CYP4A11: variants seen among roughly 807,000 people sequenced by gnomAD.
CYP4A11 encodes cytochrome P450 4A11.
A neutral mutation model predicts 57.7 loss-of-function variants in CYP4A11; 52 were observed. The ratio of observed to expected loss-of-function variants is 0.90; its 90% CI spans 0.72 to 1.14. CYP4A11 has a LOEUF of 1.14. Ranked by LOEUF, CYP4A11 falls within the 50% of genes most tolerant of loss-of-function variation. CYP4A11 has a pLI of 0.00. For missense variants in CYP4A11, 641 were observed against 642.1 expected, an observed-to-expected ratio of 1.00 and a Z score of 0.02; for synonymous variants, 228 against 247.1, an observed-to-expected ratio of 0.92 and a Z score of 0.72.
At position 46,936,744 on chromosome 1, in the gene CYP4A11, G is replaced by T. The variant is rs202214253; in HGVS notation, c.430C>A (p.Arg144=). The T allele has an allele frequency of 2.2e-4, 362 of 1,613,716 alleles. No homozygotes were observed. The highest frequency in any genetic ancestry group is 2.0e-4 in the South Asian group (18 of 91,032). ...TAGTGGAAGGCTGGGGTCAGCATCC[G>T]TCGATGCTGGAACCATGTCTGCCCA... ...LNGQTWFQHR[R]MLTPAFHYDI... The change falls in exon 4 of 12, where the codon CGG becomes AGG. Residue 144 remains arginine, a synonymous_variant. Transcript: ENST00000310638.
Position 46,936,808 on chromosome 1 carries a change from T to A in CYP4A11, c.383-17A>T. ...AGCCGTACCCTAAGAGAGACATGAA[T>A]GTGTGTTTGTGTGTGTGTGTGTGTG... is the stretch of plus-strand genomic sequence containing the variant. On this transcript the variant is annotated splice_polypyrimidine_tract_variant and intron_variant, in intron 3 of 11. Transcript: ENST00000310638. 1 of 1,496,004 alleles carries A rather than the reference T, an allele frequency of 6.7e-7. No homozygotes were observed. The highest frequency in any genetic ancestry group is 8.9e-7 in the Non-Finnish European group (1 of 1,124,186). The allele number at this position is 1,496,004 out of a possible 1,614,324, so 92.7% of individuals were successfully genotyped here.
At chr1:46,932,556 G>A (rs1078311) in intron 11 of CYP4A11, 204,051 of 1,439,310 alleles carry the variant, frequency 0.14, 15,904 homozygotes, top group South Asian at 0.27. Context: ...AGCAGAGGGA[G>A]CAAAGTCTCC....
intron 2 of CYP4A11, 75 bp from the exon 3 acceptor site, chr1:46,937,421 T>A (rs1681479616): frequency 6.6e-7 from 1 of 1,512,022 alleles, no homozygotes; most frequent in Non-Finnish European, 9.2e-7. Flanking sequence ...CATCAATTCT[T>A]GGTGTCTGTC....
intron 6 of CYP4A11, 88 bp downstream of exon 6, chr1:46,934,912 T>C: frequency 1.3e-6 from 2 of 1,553,704 alleles, no homozygotes; most frequent in Non-Finnish European, 1.7e-6. Context: ...TCTGCAGGGT[T>C]ACTAGGGGCC....
At chr1:46,933,140 G>C (rs1681135817) in intron 9 of CYP4A11, 93 bp from the exon 10 acceptor site, 1 of 1,557,140 alleles carries the variant, frequency 6.4e-7, no homozygotes, top group African/African-American at 1.4e-5. Flanking sequence ...GGCCCAAAAA[G>C]CCTACTTTCC....
intron 1 of CYP4A11, among the ~76,000 whole-genome samples, chr1:46,938,638 A>C (rs1271456034): frequency 6.6e-6 from 1 of 152,242 alleles, no homozygotes; most frequent in East Asian, 1.9e-4. Context: ...AAGATTAACT[A>C]TAAAATTGTG....
At chr1:46,934,938 G>T in intron 6 of CYP4A11, 62 bp downstream of exon 6, 2 of 1,581,566 alleles carry the variant, frequency 1.3e-6, no homozygotes, top group Non-Finnish European at 1.7e-6. Flanking sequence ...TGGCTGAGGA[G>T]TCAGGGCAAG....
intron 11 of CYP4A11, among the ~76,000 whole-genome samples, 178 bp from the exon 12 acceptor site, chr1:46,930,488 C>T (rs527828292): frequency 1.3e-5 from 2 of 152,142 alleles, no homozygotes; most frequent in African/African-American, 4.8e-5. Flanking sequence ...TCACACTATC[C>T]CAATCCTTGG....
chr1:46,941,048 C>A, intron 1 of CYP4A11, 191 bp downstream of exon 1: 9 of 968,670 alleles, frequency 9.3e-6, no homozygotes, highest in Non-Finnish European at 1.1e-5. Context: ...TGAGGACCAG[C>A]AGGATGGGCT....
At position 46,935,588 on chromosome 1, in the gene CYP4A11, G is replaced by T. The variant is rs1336754976; in HGVS notation, c.570C>A (p.Ser190=). ...DSPLEVFQHV[S]LMTLDTIMKC... is the part of the protein sequence containing the mutation. ...TCATGATGGTGTCCAGGGTCATCAA[G>T]GAGACGTGCTGAAAGACCTCCAGAG... The change falls in exon 5 of 12, where the codon TCC becomes TCA. Residue 190 remains serine (S), a synonymous_variant. Coordinates refer to ENST00000310638, the MANE Select transcript of CYP4A11 (RefSeq NM_000778.4). The T allele has an allele frequency of 6.2e-7, 1 of 1,613,860 alleles. No individual in the cohort carries two copies. The highest frequency in any genetic ancestry group is 1.3e-5 in the African/African-American group (1 of 74,924).
At chr1:46,934,117 G>A (rs772666548) in intron 8 of CYP4A11, 38 bp from the exon 9 acceptor site, 7 of 1,610,342 alleles carry the variant, frequency 4.3e-6, no homozygotes, top group Non-Finnish European at 4.2e-6. Flanking sequence ...CAAGGCCTGG[G>A]CAGACCAGGG....
rs373404760 is a variant in CYP4A11, at chr1:46,934,595, A to T, written c.791-36T>A. 1,473 of 1,578,016 alleles carry T rather than the reference A, an allele frequency of 9.3e-4. 3 individuals carry two copies. Among genetic ancestry groups the T allele is most frequent in the Non-Finnish European group, 1.2e-3 (1,393 of 1,156,520 alleles). ...ACAATGGTTACCAGGCAGAGCTGAGACCGTCAGCAGCCCCCAGGAGGCCTA... is the reference window on the plus strand; with the variant it reads ...ACAATGGTTACCAGGCAGAGCTGAGTCCGTCAGCAGCCCCCAGGAGGCCTA... On this transcript the variant is annotated intron_variant, in intron 6 of 11. Coordinates refer to ENST00000310638, the MANE Select transcript of CYP4A11 (RefSeq NM_000778.4).
In CYP4A11 at chr1:46,929,279, C is replaced by G. The variant is rs1009063245; in HGVS notation, c.*836G>C. 1 of 152,088 alleles carries G rather than the reference C, an allele frequency of 6.6e-6. No individual in the cohort carries two copies. 9.4% of individuals were successfully genotyped at this position (152,088 alleles called of 1,614,324 possible). ...AGAAGGAGACAGGTGTATGGGCAGA[C>G]AGTCTGGAGGGCAGGCAGGAGTTTG... On this transcript the variant is annotated 3_prime_UTR_variant, in exon 12 of 12. Coordinates refer to ENST00000310638, the MANE Select transcript of CYP4A11 (RefSeq NM_000778.4).
At chr1:46,932,691 A>G in intron 11 of CYP4A11, 70 bp downstream of exon 11, 1 of 1,613,052 alleles carries the variant, frequency 6.2e-7, no homozygotes, top group African/African-American at 1.3e-5. Context: ...CATCAGGCTC[A>G]CAAAGATCAG....
At chr1:46,937,465 G>C (rs1197993538) in intron 2 of CYP4A11, 119 bp from the exon 3 acceptor site, 10 of 1,027,094 alleles carry the variant, frequency 9.7e-6, no homozygotes, top group Non-Finnish European at 1.5e-5. Flanking sequence ...CCTCCCACTT[G>C]ACTCCCATCC....
chr1:46,933,220 G>T (rs1310018620), intron 9 of CYP4A11, among the ~76,000 whole-genome samples, 173 bp from the exon 10 acceptor site: 1 of 152,182 alleles, frequency 6.6e-6, no homozygotes, highest in Non-Finnish European at 1.5e-5. Context: ...AAGCATGTGA[G>T]TTCAGATGAT....
At chr1:46,934,679 G>C (rs1302635411) in intron 6 of CYP4A11, 120 bp from the exon 7 acceptor site, 10 of 1,076,272 alleles carry the variant, frequency 9.3e-6, no homozygotes, top group Non-Finnish European at 1.2e-5. Flanking sequence ...GTGAGTGTGG[G>C]TGCAGGGTCA....
At chr1:46,936,630 T>G in intron 4 of CYP4A11, 34 bp downstream of exon 4, 1 of 1,542,242 alleles carries the variant, frequency 6.5e-7, no homozygotes, top group Non-Finnish European at 8.8e-7. Context: ...GTGCTGTGAG[T>G]GGGTGTGGGG....
In CYP4A11 at chr1:46,930,216, T is replaced by A; in HGVS notation, c.1459A>T (p.Ile487Phe). The A allele has an allele frequency of 5.6e-6, 9 of 1,614,078 alleles. No individual in the cohort carries two copies. The Middle Eastern group carries it at 1.5e-3, about 266-fold the overall frequency. The change falls in exon 12 of 12, where the codon ATC (isoleucine) becomes TTC (phenylalanine). Residue 487 changes from isoleucine (I) to phenylalanine (F), a missense_variant. Ile to Phe is a conservative substitution (Grantham distance 21). Coordinates refer to ENST00000310638, the MANE Select transcript of CYP4A11 (RefSeq NM_000778.4). ...ACAAGTCGTGCAATGGGGATGGGGA[T>A]CCTGGTGGGATCAGGCAGCAGCTCA... ...RFELLPDPTR[I>F]PIPIARLVLK... is the part of the protein sequence containing the mutation.
Sources: gnomAD v4.1 joint callset for allele counts (sites outside exome capture counted in the v4.1 genomes callset) on GRCh38, gnomAD v4.1.1 for gene constraint, MANE v1.5 for transcripts, NCBI Gene and HGNC (gene_info 2026-07-23, HGNC 2026-07-21) for gene names.